The following PACRG variants were observed in gnomAD, a reference collection of about 807,000 sequenced individuals.
PACRG encodes parkin coregulated.
A neutral mutation model predicts 29.7 loss-of-function variants in PACRG; 29 were observed. The ratio of observed to expected loss-of-function variants is 0.98; its 90% CI spans 0.73 to 1.33. PACRG has a LOEUF of 1.33. Among genes scored for constraint, PACRG ranks in the 40% most tolerant of loss-of-function variants. The pLI is 0.00. For missense variants in PACRG, 279 were observed against 316.2 expected, an observed-to-expected ratio of 0.88 and a Z score of 0.89; for synonymous variants, 116 against 118.7, an observed-to-expected ratio of 0.98 and a Z score of 0.15.
chr6:163,310,208 CGCGTCT>C (rs1361180151), intron 4 of PACRG: 4 of 152,148 alleles, frequency 2.6e-5, no homozygotes, highest in Non-Finnish European at 4.4e-5. Flanking sequence ...TCCTGCTTTT[CGCGTCT>C]CTAGGATCTC....
intron 4 of PACRG, among the ~76,000 whole-genome samples, chr6:163,243,221 G>A (rs1286430103): frequency 2.6e-5 from 4 of 152,226 alleles, no homozygotes; most frequent in East Asian, 1.9e-4. Context: ...CAAATGTCCC[G>A]AACACCCAAG....
chr6:163,018,332 A>G (rs1806293380), intron 2 of PACRG, among the ~76,000 whole-genome samples: 1 of 152,152 alleles, frequency 6.6e-6, no homozygotes, highest in South Asian at 2.1e-4. Flanking sequence ...ATAAGTAAAT[A>G]TATACCTAAC....
chr6:163,199,692 A>C (rs1273927726), intron 4 of PACRG, among the ~76,000 whole-genome samples: 2 of 151,782 alleles, frequency 1.3e-5, no homozygotes, highest in African/African-American at 4.8e-5. Context: ...CCAGACTGAA[A>C]CTCCACTGAG....
intron 1 of PACRG, among the ~76,000 whole-genome samples, chr6:162,740,124 A>G (rs1780463802): frequency 1.3e-5 from 2 of 151,886 alleles, no homozygotes; most frequent in Non-Finnish European, 2.9e-5. Context: ...CACTGCCTTT[A>G]TTGTTGTAGC....
At chr6:163,010,883 C>G (rs986116419) in intron 2 of PACRG, among the ~76,000 whole-genome samples, 4 of 152,146 alleles carry the variant, frequency 2.6e-5, no homozygotes, top group Non-Finnish European at 5.9e-5. Flanking sequence ...GAGCGCGGGC[C>G]CCTCCAGAGT....
intron 2 of PACRG, among the ~76,000 whole-genome samples, chr6:163,010,272 A>T (rs961050425): frequency 4.6e-5 from 7 of 152,256 alleles, no homozygotes; most frequent in African/African-American, 1.7e-4. Context: ...ATTCTGATTT[A>T]TGTAGCATTT....
intron 2 of PACRG, among the ~76,000 whole-genome samples, chr6:162,848,038 A>C (rs957193768): frequency 6.6e-6 from 1 of 152,128 alleles, no homozygotes; most frequent in African/African-American, 2.4e-5. Flanking sequence ...GGCAGGAGTG[A>C]GGACAGCGGG....
At chr6:162,928,044 T>C (rs975705711) in intron 2 of PACRG, among the ~76,000 whole-genome samples, 2 of 152,064 alleles carry the variant, frequency 1.3e-5, no homozygotes, top group Non-Finnish European at 2.9e-5. Flanking sequence ...CCTCATAGAA[T>C]GTGTTTGGGA....
At chr6:163,267,422 C>T (rs957380193) in intron 4 of PACRG, among the ~76,000 whole-genome samples, 4 of 152,192 alleles carry the variant, frequency 2.6e-5, no homozygotes, top group Middle Eastern at 3.2e-3. Context: ...CTTCTAAGTC[C>T]TAGTTTTCTA....
At chr6:163,244,748 T>C (rs1423477130) in intron 4 of PACRG, among the ~76,000 whole-genome samples, 1 of 152,238 alleles carries the variant, frequency 6.6e-6, no homozygotes, top group Non-Finnish European at 1.5e-5. Context: ...CATTTTCATG[T>C]AATCTTTTGG....
intron 2 of PACRG, among the ~76,000 whole-genome samples, chr6:162,831,025 A>G (rs570437042): frequency 1.1e-3 from 165 of 152,306 alleles, no homozygotes; most frequent in Non-Finnish European, 1.9e-3. Flanking sequence ...TCTGCCTGCT[A>G]TTAAAACCCA....
At chr6:163,063,059 C>T (rs76174028) in intron 3 of PACRG, among the ~76,000 whole-genome samples, 2,620 of 152,230 alleles carry the variant, frequency 0.017, 34 homozygotes, top group Non-Finnish European at 0.028. Context: ...GATGGCCTCT[C>T]CTCAAGTCAA....
chr6:163,163,514 CGCCT>C (rs888164553), intron 4 of PACRG, among the ~76,000 whole-genome samples: 3 of 150,962 alleles, frequency 2.0e-5, no homozygotes, highest in African/African-American at 7.2e-5. Context: ...TCAGGTGACG[CGCCT>C]GCCTCGGCCT....
Position 163,282,270 on chromosome 6 carries a change from T to C in PACRG, c.614-32557T>C, listed in dbSNP as rs537339200. On this transcript the variant is annotated intron_variant, in intron 4 of 4. Transcript: ENST00000366888. ...GAAATTTTCCCACCCCACCAAGTAA[T>C]TAGCAGGTCAAATCTGTCCTCTTAG... Among the ~76,000 whole-genome samples, 13 of 152,288 alleles carry C rather than the reference T, an allele frequency of 8.5e-5. No homozygotes were observed. In the South Asian group the frequency reaches 2.5e-3, roughly 29 times the overall value.
intron 2 of PACRG, among the ~76,000 whole-genome samples, chr6:162,904,104 T>A (rs1303640542): frequency 6.6e-6 from 1 of 152,182 alleles, no homozygotes; most frequent in African/African-American, 2.4e-5. Context: ...GCTAGATTCC[T>A]TCCTCCTCCT....
At chr6:163,039,138 G>A (rs751072327) in intron 2 of PACRG, among the ~76,000 whole-genome samples, 4 of 152,138 alleles carry the variant, frequency 2.6e-5, no homozygotes, top group Non-Finnish European at 4.4e-5. Context: ...CACGAGATTT[G>A]ATGGTTTATT....
intron 4 of PACRG, among the ~76,000 whole-genome samples, chr6:163,118,447 T>A (rs1197919193): frequency 6.6e-6 from 1 of 152,184 alleles, no homozygotes; most frequent in Non-Finnish European, 1.5e-5. Context: ...AGAACATTAC[T>A]AATTAAACAC....
At chr6:163,087,735 G>C (rs887766038) in intron 3 of PACRG, among the ~76,000 whole-genome samples, 9 of 150,128 alleles carry the variant, frequency 6.0e-5, no homozygotes, top group African/African-American at 2.2e-4. Flanking sequence ...GAGAGGGTGA[G>C]GATAGAGACT....
chr6:163,292,484 C>T (rs1292397658), intron 4 of PACRG, among the ~76,000 whole-genome samples: 1 of 152,196 alleles, frequency 6.6e-6, no homozygotes, highest in Admixed American at 6.5e-5. Context: ...TCACTGCAAC[C>T]TCCACCTCTG....
Sources: allele counts gnomAD v4.1 joint callset (sites outside exome capture counted in the v4.1 genomes callset), GRCh38; gene constraint gnomAD v4.1.1; transcripts MANE v1.5; gene names NCBI Gene and HGNC (gene_info 2026-07-23, HGNC 2026-07-21).